Variants in SDK1 observed in about 807,000 individuals in gnomAD.
SDK1 encodes the protein protein sidekick-1.
Under a neutral mutation model 245.5 loss-of-function variants are expected in SDK1, and 157 were observed. The observed-to-expected ratio is 0.64, with a 90% CI of 0.56 to 0.73. SDK1 has a LOEUF of 0.73. SDK1 is among the 30% of genes least tolerant of loss of function. The pLI is 0.00. For missense variants in SDK1, 3,583 were observed against 3,002.3 expected (o/e 1.19, Z -4.52); for synonymous variants, 1,647 against 1,278.5 (o/e 1.29, Z -6.15).
intron 1 of SDK1, among the ~76,000 whole-genome samples, chr7:3,318,117 G>A (rs1056170536): frequency 3.3e-5 from 5 of 152,170 alleles, no homozygotes; most frequent in Non-Finnish European, 5.9e-5. Context: ...ACAGATGGTA[G>A]CATACTCTTA....
At chr7:4,244,764 C>T (rs1468319838) in intron 43 of SDK1, among the ~76,000 whole-genome samples, 2 of 152,100 alleles carry the variant, frequency 1.3e-5, no homozygotes, top group African/African-American at 4.8e-5. Flanking sequence ...GAATCTTCTT[C>T]CAAGCTCATT....
chr7:3,353,507 C>G (rs1780714236), intron 1 of SDK1, among the ~76,000 whole-genome samples: 1 of 152,140 alleles, frequency 6.6e-6, no homozygotes, highest in South Asian at 2.1e-4. Flanking sequence ...CATATGTTCT[C>G]TGTTTATGCT....
intron 1 of SDK1, among the ~76,000 whole-genome samples, chr7:3,510,983 C>T (rs1256364246): frequency 6.6e-6 from 1 of 152,184 alleles, no homozygotes; most frequent in East Asian, 1.9e-4. Flanking sequence ...AAAGAATTGC[C>T]CTGGCTGCTG....
At chr7:3,844,918 A>C (rs561609264) in intron 5 of SDK1, among the ~76,000 whole-genome samples, 17 of 152,340 alleles carry the variant, frequency 1.1e-4, no homozygotes, top group African/African-American at 4.1e-4. Context: ...AATTTTTTTC[A>C]AGAAAAGAGC....
intron 5 of SDK1, among the ~76,000 whole-genome samples, chr7:3,835,597 G>A (rs1780013136): frequency 6.6e-6 from 1 of 152,094 alleles, no homozygotes; most frequent in Admixed American, 6.5e-5. Context: ...ATCCTATCCT[G>A]AACTCTTAGC....
intron 1 of SDK1, among the ~76,000 whole-genome samples, chr7:3,528,499 T>G (rs1348999058): frequency 1.3e-5 from 2 of 151,950 alleles, no homozygotes; most frequent in African/African-American, 4.8e-5. Flanking sequence ...ATGGAGGATT[T>G]TGAGTAGGGT....
At chr7:3,460,780 G>A (rs1438395795) in intron 1 of SDK1, among the ~76,000 whole-genome samples, 1 of 152,130 alleles carries the variant, frequency 6.6e-6, no homozygotes, top group African/African-American at 2.4e-5. Flanking sequence ...GTTATAAATT[G>A]GAGAATGAAT....
chr7:3,476,514 A>G (rs938145323), intron 1 of SDK1, among the ~76,000 whole-genome samples: 2 of 152,240 alleles, frequency 1.3e-5, no homozygotes, highest in East Asian at 1.9e-4. Context: ...GAAATCTTCT[A>G]ATACCTTATT....
chr7:3,381,415 G>C (rs1224823995), intron 1 of SDK1, among the ~76,000 whole-genome samples: 1 of 152,116 alleles, frequency 6.6e-6, no homozygotes, highest in Admixed American at 6.5e-5. Context: ...TGGGCTGCAT[G>C]GTGAAGGGGG....
chr7:4,198,780 C>T (rs10272648), intron 35 of SDK1, among the ~76,000 whole-genome samples: 45,072 of 151,220 alleles, frequency 0.3, 7,551 homozygotes, highest in African/African-American at 0.45. Context: ...CCCCTCGAAG[C>T]CTCAGCTTTC....
At chr7:4,030,984 T>A (rs1464386049) in intron 17 of SDK1, among the ~76,000 whole-genome samples, 1 of 152,092 alleles carries the variant, frequency 6.6e-6, no homozygotes, top group African/African-American at 2.4e-5. Flanking sequence ...AGGACCAGGT[T>A]TCATAACAGT....
At chr7:3,304,224 G>A (rs946321734) in intron 1 of SDK1, among the ~76,000 whole-genome samples, 1 of 152,162 alleles carries the variant, frequency 6.6e-6, no homozygotes, top group African/African-American at 2.4e-5. Context: ...TGAGTTGTAT[G>A]CTCTGCTTAT....
chr7:3,398,502 T>C (rs548252447), intron 1 of SDK1, among the ~76,000 whole-genome samples: 4 of 152,142 alleles, frequency 2.6e-5, no homozygotes, highest in African/African-American at 9.6e-5. Context: ...CATAAAGTTC[T>C]GACAAAGTAG....
intron 1 of SDK1, among the ~76,000 whole-genome samples, chr7:3,513,983 G>C (rs1270683916): frequency 6.6e-6 from 1 of 152,162 alleles, no homozygotes; most frequent in Non-Finnish European, 1.5e-5. Context: ...TTATGGCTGT[G>C]TAATATTCCA....
chr7:3,750,247 C>G (rs1229451740), intron 4 of SDK1, among the ~76,000 whole-genome samples: 1 of 152,182 alleles, frequency 6.6e-6, no homozygotes, highest in Non-Finnish European at 1.5e-5. Context: ...AGAAAAGTGA[C>G]TATTTGGAGA....
At chr7:3,363,611 G>T (rs1037448752) in intron 1 of SDK1, among the ~76,000 whole-genome samples, 5 of 152,150 alleles carry the variant, frequency 3.3e-5, no homozygotes, top group African/African-American at 1.2e-4. Flanking sequence ...AGGTGGTGTG[G>T]ATGGTTTTGG....
At chr7:3,665,623 A>G (rs1011539238) in intron 4 of SDK1, among the ~76,000 whole-genome samples, 7 of 151,698 alleles carry the variant, frequency 4.6e-5, no homozygotes, top group Non-Finnish European at 7.4e-5. Flanking sequence ...TCTTTTTTGC[A>G]TGGGGAGGGA....
intron 40 of SDK1, among the ~76,000 whole-genome samples, chr7:4,225,463 C>A (rs1584484699): frequency 6.6e-6 from 1 of 152,268 alleles, no homozygotes; most frequent in East Asian, 1.9e-4. Flanking sequence ...TGGGCTCAGC[C>A]TCTTAACGCT....
chr7:3,590,070 G>A (rs1247037027), intron 1 of SDK1, among the ~76,000 whole-genome samples: 1 of 152,184 alleles, frequency 6.6e-6, no homozygotes. Flanking sequence ...GTGTAAATAC[G>A]TATGTGTTAG....
Sources: allele counts gnomAD v4.1 joint callset (sites outside exome capture counted in the v4.1 genomes callset), GRCh38; gene constraint gnomAD v4.1.1; transcripts MANE v1.5; gene names NCBI Gene and HGNC (gene_info 2026-07-23, HGNC 2026-07-21).